Variants in MARCHF1 observed in about 807,000 individuals in gnomAD.
MARCHF1 encodes membrane associated ring-CH-type finger 1.
A neutral mutation model predicts 54.2 loss-of-function variants in MARCHF1; 40 were observed. The observed-to-expected ratio is 0.74, with a 90% CI of 0.57 to 0.96. The LOEUF (loss-of-function observed/expected upper bound fraction) is 0.96, where lower values mean the gene tolerates loss of function less well. Among genes scored for constraint, MARCHF1 ranks in the 40% least tolerant of loss-of-function variants. MARCHF1 has a pLI of 0.00. For synonymous variants in MARCHF1, 236 were observed against 236.3 expected (o/e 1.00, Z 0.01); for missense variants, 586 against 656.5 (o/e 0.89, Z 1.17).
intron 2 of MARCHF1, among the ~76,000 whole-genome samples, chr4:164,101,161 T>C (rs938295356): frequency 2.0e-5 from 3 of 152,114 alleles, no homozygotes; most frequent in Non-Finnish European, 4.4e-5. Context: ...GAGATCAAAC[T>C]GCAAGGCAGC....
At chr4:164,211,968 T>C (rs1357984168) in intron 1 of MARCHF1, among the ~76,000 whole-genome samples, 5 of 151,982 alleles carry the variant, frequency 3.3e-5, no homozygotes, top group Admixed American at 1.3e-4. Context: ...GAAAACAGTG[T>C]GAAAAGTCAT....
chr4:163,868,185 A>T (rs1476057586), intron 3 of MARCHF1, among the ~76,000 whole-genome samples: 2 of 152,012 alleles, frequency 1.3e-5, no homozygotes, highest in African/African-American at 2.4e-5. Context: ...ATAATGTTCA[A>T]CATTCAAATA....
intron 2 of MARCHF1, among the ~76,000 whole-genome samples, chr4:164,063,728 C>A (rs1234062916): frequency 1.3e-5 from 2 of 152,112 alleles, no homozygotes; most frequent in Non-Finnish European, 2.9e-5. Flanking sequence ...CTTGAAGTTT[C>A]AAATAGCACT....
At chr4:163,535,581 G>C (rs1424204799) in intron 9 of MARCHF1, among the ~76,000 whole-genome samples, 1 of 152,120 alleles carries the variant, frequency 6.6e-6, no homozygotes, top group East Asian at 1.9e-4. Flanking sequence ...AGGAGTATGT[G>C]ATGATTCTAA....
intron 2 of MARCHF1, among the ~76,000 whole-genome samples, chr4:164,111,366 C>A (rs776284685): frequency 1.3e-5 from 2 of 151,406 alleles, no homozygotes; most frequent in Non-Finnish European, 3.0e-5. Flanking sequence ...AAAATATTGC[C>A]CAGTAGATAC....
intron 1 of MARCHF1, among the ~76,000 whole-genome samples, chr4:164,382,202 A>C (rs1476927232): frequency 6.6e-6 from 1 of 152,168 alleles, no homozygotes; most frequent in African/African-American, 2.4e-5. Flanking sequence ...TATTCCAATA[A>C]TTTTCTATCA....
In MARCHF1 at chr4:164,101,143, G is replaced by A. The variant is rs186291124; in HGVS notation, c.-248+10445C>T. Among the ~76,000 whole-genome samples the A allele has an allele frequency of 8.9e-3, 1,355 of 152,242 alleles. 10 individuals are homozygous for A. Among genetic ancestry groups the A allele is most frequent in the African/African-American group, 0.012 (510 of 41,552 alleles). ...ACGGAGTCTTGCTGATTGCTAGCAC[G>A]GCAGTCTGAGATCAAACTGCAAGGC... On this transcript the variant is annotated intron_variant, in intron 2 of 9. Coordinates refer to ENST00000514618, the MANE Select transcript of MARCHF1 (RefSeq NM_001394959.1).
chr4:163,826,184 T>C lies in MARCHF1; in HGVS notation c.111+27837A>G, dbSNP rs148149367. Reference sequence around the variant, plus strand: ...TTACCTATTAATTTACCTAGTATAATTTATTTAGATTATTTTCTAGTAATT... The same window carrying C: ...TTACCTATTAATTTACCTAGTATAACTTATTTAGATTATTTTCTAGTAATT... On this transcript the variant is annotated intron_variant, in intron 4 of 9. Coordinates refer to ENST00000514618, the MANE Select transcript of MARCHF1 (RefSeq NM_001394959.1). 3.6e-3 allele frequency among the ~76,000 whole-genome samples: 550 copies of C among 152,192 alleles called. 3 individuals are homozygous for C. Among genetic ancestry groups the C allele is most frequent in the African/African-American group, 0.012 (505 of 41,546 alleles).
intron 3 of MARCHF1, among the ~76,000 whole-genome samples, chr4:163,947,209 C>T (rs1340516952): frequency 1.3e-5 from 2 of 152,208 alleles, no homozygotes; most frequent in South Asian, 2.1e-4. Context: ...AACTCAGTTA[C>T]AAATATATTG....
chr4:164,105,406 C>A (rs1046213707), intron 2 of MARCHF1, among the ~76,000 whole-genome samples: 6 of 150,734 alleles, frequency 4.0e-5, no homozygotes, highest in African/African-American at 1.5e-4. Context: ...GGTACTGGTA[C>A]CAAAACAGAG....
At chr4:164,142,381 A>C (rs895013173) in intron 1 of MARCHF1, among the ~76,000 whole-genome samples, 56 of 152,124 alleles carry the variant, frequency 3.7e-4, no homozygotes, top group Non-Finnish European at 7.2e-4. Context: ...GCACAGACAA[A>C]CAAAAAGACA....
At chr4:163,620,598 CACACACACAGAGAGAGAGAGAGAGAG>C (rs1348243842) in intron 5 of MARCHF1, among the ~76,000 whole-genome samples, 50 of 82,870 alleles carry the variant, frequency 6.0e-4, no homozygotes, top group Middle Eastern at 5.4e-3. Flanking sequence ...CACACACACA[CACACACACAGAGAGAGAGAGAGAGAG>C]AGAGAGAGAG....
intron 8 of MARCHF1, among the ~76,000 whole-genome samples, chr4:163,547,281 T>G (rs982720244): frequency 1.3e-5 from 2 of 152,198 alleles, no homozygotes; most frequent in African/African-American, 2.4e-5. Context: ...GAATAACCAT[T>G]CTTCACTTCT....
intron 3 of MARCHF1, among the ~76,000 whole-genome samples, chr4:163,930,384 G>A (rs926207307): frequency 2.0e-5 from 3 of 151,808 alleles, no homozygotes; most frequent in African/African-American, 7.3e-5. Flanking sequence ...GGAGAGTTGG[G>A]ACTCAGACCT....
intron 1 of MARCHF1, among the ~76,000 whole-genome samples, chr4:164,375,197 A>G (rs1354655263): frequency 6.6e-6 from 1 of 152,218 alleles, no homozygotes. Flanking sequence ...GCTATGCTTC[A>G]GTAACATCTA....
chr4:164,130,120 CACT>C (rs1383052703), intron 1 of MARCHF1: 7 of 151,978 alleles, frequency 4.6e-5, no homozygotes, highest in African/African-American at 1.7e-4. Flanking sequence ...AAAAAAATCA[CACT>C]ACTTTATAAA....
chr4:163,999,974 C>A (rs140460857), intron 2 of MARCHF1, among the ~76,000 whole-genome samples: 1 of 151,608 alleles, frequency 6.6e-6, no homozygotes, highest in Non-Finnish European at 1.5e-5. Flanking sequence ...GTACAGAATG[C>A]AGATCAAATA....
At chr4:163,781,296 G>C (rs1417447267) in intron 4 of MARCHF1, among the ~76,000 whole-genome samples, 1 of 152,118 alleles carries the variant, frequency 6.6e-6, no homozygotes, top group Non-Finnish European at 1.5e-5. Flanking sequence ...GGTTGTAGTA[G>C]CCAGGATTCT....
intron 4 of MARCHF1, among the ~76,000 whole-genome samples, chr4:163,808,864 C>T (rs780770224): frequency 2.0e-5 from 3 of 152,178 alleles, no homozygotes; most frequent in Middle Eastern, 3.4e-3. Context: ...CCACCGTGCC[C>T]GGCCTGGAAA....
Sources: allele counts gnomAD v4.1 joint callset (sites outside exome capture counted in the v4.1 genomes callset), GRCh38; gene constraint gnomAD v4.1.1; transcripts MANE v1.5; gene names NCBI Gene and HGNC (gene_info 2026-07-23, HGNC 2026-07-21).